Variants in CFDP1 observed in about 807,000 individuals in gnomAD.
CFDP1 encodes chromatin remodeling protein CFDP1.
In CFDP1, 31 loss-of-function variants were observed where a neutral mutation model predicts 40.1. The observed-to-expected ratio is 0.77, with a 90% CI of 0.58 to 1.04. The LOEUF is 1.04. CFDP1 is among the 50% of genes least tolerant of loss of function. CFDP1 has a pLI of 0.00. For missense variants in CFDP1, 423 were observed against 343.4 expected (o/e 1.23, Z -1.83); for synonymous variants, 167 against 120.0 (o/e 1.39, Z -2.56).
intron 5 of CFDP1, among the ~76,000 whole-genome samples, chr16:75,371,626 T>C (rs980389164): frequency 6.6e-6 from 1 of 152,224 alleles, no homozygotes; most frequent in Non-Finnish European, 1.5e-5. Context: ...AATATTACTA[T>C]AGCCTAACAT....
chr16:75,427,386 G>A (rs988802773), intron 1 of CFDP1, among the ~76,000 whole-genome samples: 1 of 151,962 alleles, frequency 6.6e-6, no homozygotes, highest in Non-Finnish European at 1.5e-5. Context: ...AAGTAGCTGG[G>A]ACTACAGGCA....
intron 4 of CFDP1, among the ~76,000 whole-genome samples, chr16:75,407,654 CAAA>C (rs11456525): frequency 1.0e-4 from 12 of 116,778 alleles, no homozygotes; most frequent in Non-Finnish European, 1.5e-4. Context: ...GACCCTGTCT[CAAA>C]AAAAAAAAAA....
Position 75,410,076 on chromosome 16 carries a change from A to C in CFDP1, c.530+1749T>G, listed in dbSNP as rs1454694289. ...TTCTCAAAAAAAAAAAAAAAAAAAA[A>C]AAAAAAAAAACCCAAAACAAAAAAA... is the stretch of plus-strand genomic sequence containing the variant. On this transcript the variant is annotated intron_variant, in intron 4 of 6. Coordinates refer to ENST00000283882, the MANE Select transcript of CFDP1 (RefSeq NM_006324.3). Among the ~76,000 whole-genome samples the C allele has an allele frequency of 1.3e-3, 198 of 150,266 alleles. 3 individuals are homozygous for C. Among genetic ancestry groups the C allele is most frequent in the African/African-American group, 4.7e-3 (194 of 40,998 alleles).
intron 5 of CFDP1, among the ~76,000 whole-genome samples, chr16:75,377,420 C>T (rs1360290816): frequency 2.6e-5 from 4 of 152,196 alleles, no homozygotes; most frequent in Non-Finnish European, 4.4e-5. Context: ...AATTTATTGA[C>T]CAATCACAAT....
At chr16:75,356,098 G>A (rs1008131717) in intron 5 of CFDP1, among the ~76,000 whole-genome samples, 2 of 152,128 alleles carry the variant, frequency 1.3e-5, no homozygotes, top group African/African-American at 2.4e-5. Flanking sequence ...AATCACAAAT[G>A]TTCTTAATGG....
intron 2 of CFDP1, among the ~76,000 whole-genome samples, chr16:75,414,277 G>C (rs1228428238): frequency 6.6e-6 from 1 of 152,064 alleles, no homozygotes; most frequent in African/African-American, 2.4e-5. Flanking sequence ...TGGTAGCATA[G>C]TTCTTCAGAG....
intron 5 of CFDP1, among the ~76,000 whole-genome samples, chr16:75,364,130 CA>C (rs1391455604): frequency 6.6e-6 from 1 of 150,546 alleles, no homozygotes; most frequent in African/African-American, 2.5e-5. Context: ...AAAAACAAAA[CA>C]AAACAAAACA....
intron 1 of CFDP1, among the ~76,000 whole-genome samples, chr16:75,417,847 A>G (rs78067670): frequency 0.017 from 2,526 of 152,304 alleles, 56 homozygotes; most frequent in African/African-American, 0.058. Flanking sequence ...TCTGTGTAGT[A>G]ACATCAATGC....
intron 1 of CFDP1, among the ~76,000 whole-genome samples, chr16:75,420,837 C>A (rs899700448): frequency 2.6e-5 from 4 of 152,080 alleles, no homozygotes; most frequent in African/African-American, 9.7e-5. Flanking sequence ...CTAGGTAGTT[C>A]AACTATTTTT....
chr16:75,414,501 T>C (rs965485576), intron 2 of CFDP1, 77 bp downstream of exon 2: 7 of 853,606 alleles, frequency 8.2e-6, no homozygotes, highest in Non-Finnish European at 1.4e-5. Flanking sequence ...ATTAAATCTA[T>C]CATGAGACCA....
chr16:75,351,486 A>G (rs567329688), intron 5 of CFDP1, among the ~76,000 whole-genome samples: 1 of 152,254 alleles, frequency 6.6e-6, no homozygotes. Flanking sequence ...CACTATCAAA[A>G]TAACTAACTA....
At chr16:75,394,464 C>G (rs973449246) in intron 5 of CFDP1, among the ~76,000 whole-genome samples, 1 of 152,136 alleles carries the variant, frequency 6.6e-6, no homozygotes, top group Non-Finnish European at 1.5e-5. Flanking sequence ...TTATGTTCCT[C>G]TAAGATCACA....
At chr16:75,431,456 A>AAT (rs2079415076) in intron 1 of CFDP1, among the ~76,000 whole-genome samples, 2 of 77,112 alleles carry the variant, frequency 2.6e-5, no homozygotes, top group African/African-American at 1.4e-4. Context: ...TCTTGTCTCA[A>AAT]AAAAAAAAAA....
At chr16:75,406,818 A>G (rs1349883501) in intron 4 of CFDP1, 1 of 152,188 alleles carries the variant, frequency 6.6e-6, no homozygotes, top group African/African-American at 2.4e-5. Flanking sequence ...TGAGGTCAGG[A>G]GTTTGAAATC....
intron 5 of CFDP1, among the ~76,000 whole-genome samples, chr16:75,339,030 T>C (rs892990064): frequency 8.5e-5 from 13 of 152,128 alleles, no homozygotes; most frequent in African/African-American, 2.9e-4. Context: ...AATCTACAAA[T>C]TGTTGCTTAC....
chr16:75,395,742 A>G (rs571653543), intron 4 of CFDP1, among the ~76,000 whole-genome samples: 24 of 152,330 alleles, frequency 1.6e-4, no homozygotes, highest in African/African-American at 5.8e-4. Context: ...TTATCACCCT[A>G]TAACAACCCA....
At chr16:75,294,699 G>A (rs949701400) in intron 6 of CFDP1, among the ~76,000 whole-genome samples, 4 of 151,944 alleles carry the variant, frequency 2.6e-5, no homozygotes, top group Non-Finnish European at 4.4e-5. Context: ...TTGCGTCTAG[G>A]TTGCTTCTGC....
intron 4 of CFDP1, among the ~76,000 whole-genome samples, chr16:75,403,864 G>A (rs2079076103): frequency 6.6e-6 from 1 of 152,148 alleles, no homozygotes; most frequent in African/African-American, 2.4e-5. Context: ...AGGCATGGTG[G>A]CTCACACCTG....
At chr16:75,363,569 T>C (rs2078694312) in intron 5 of CFDP1, among the ~76,000 whole-genome samples, 1 of 152,188 alleles carries the variant, frequency 6.6e-6, no homozygotes, top group Non-Finnish European at 1.5e-5. Flanking sequence ...CTAATTTTTG[T>C]ATTTTTAGTA....
Sources: gnomAD v4.1 joint callset for allele counts (sites outside exome capture counted in the v4.1 genomes callset) on GRCh38, gnomAD v4.1.1 for gene constraint, MANE v1.5 for transcripts, NCBI Gene and HGNC (gene_info 2026-07-23, HGNC 2026-07-21) for gene names.